The following ABCD3 variants were observed in gnomAD, a reference collection of about 807,000 sequenced individuals.
ABCD3 encodes the protein ATP-binding cassette sub-family D member 3.
Under a neutral mutation model 105.5 loss-of-function variants are expected in ABCD3, and 41 were observed. The ratio of observed to expected loss-of-function variants is 0.39; its 90% CI spans 0.30 to 0.50. ABCD3 has a LOEUF of 0.50. Ranked by LOEUF, ABCD3 falls within the 20% of genes least tolerant of loss-of-function variation. The pLI, the probability that ABCD3 is intolerant of heterozygous loss-of-function variation, is 0.84. For missense variants in ABCD3, 622 were observed against 806.3 expected (o/e 0.77, Z 2.77); for synonymous variants, 258 against 269.0 (o/e 0.96, Z 0.40).
intron 16 of ABCD3, among the ~76,000 whole-genome samples, chr1:94,491,799 A>G (rs895910512): frequency 3.3e-5 from 5 of 152,162 alleles, no homozygotes; most frequent in Non-Finnish European, 7.4e-5. Flanking sequence ...ATTAAAAAGA[A>G]AAGACAAAAG....
the ABCD3 span, among the ~76,000 whole-genome samples, chr1:94,403,384 C>T: frequency 6.6e-6 from 1 of 152,106 alleles, no homozygotes; most frequent in Non-Finnish European, 1.5e-5. Context: ...TCCATTGTAA[C>T]TAATAAGCAG....
chr1:94,388,965 G>T, the ABCD3 span, among the ~76,000 whole-genome samples: 4 of 152,050 alleles, frequency 2.6e-5, no homozygotes, highest in Non-Finnish European at 5.9e-5. Flanking sequence ...AGTGAAGAGA[G>T]AGAAAAGCAT....
the ABCD3 span, among the ~76,000 whole-genome samples, chr1:94,400,721 A>G: frequency 1.3e-5 from 2 of 152,232 alleles, no homozygotes; most frequent in Non-Finnish European, 2.9e-5. Flanking sequence ...TAGTATGATA[A>G]TAGCCGAGAA....
At chr1:94,482,421 CT>C (rs935637492) in intron 9 of ABCD3, 1 of 152,182 alleles carries the variant, frequency 6.6e-6, no homozygotes, top group Non-Finnish European at 1.5e-5. Flanking sequence ...ATAAGAGGTA[CT>C]TTGCTGGGAA....
At chr1:94,418,958 T>G (rs895788075) in intron 1 of ABCD3, 3 of 300,432 alleles carry the variant, frequency 1.0e-5, no homozygotes, top group Non-Finnish European at 1.9e-5. Flanking sequence ...CTGGGTGTGT[T>G]CTGGTTTTGC....
At position 94,458,658 on chromosome 1, in the gene ABCD3, C is replaced by A; in HGVS notation, c.147+15C>A. On this transcript the variant is annotated intron_variant, in intron 2 of 22. Coordinates refer to ENST00000370214, the MANE Select transcript of ABCD3 (RefSeq NM_002858.4). ...AGAACAATGAGGTAAAAGTTTAAAT[C>A]ATCTTCTTTTTGGGATTTCATGCAT... 1 of 1,607,314 alleles carries A rather than the reference C, an allele frequency of 6.2e-7. No individual in the cohort carries two copies. The highest frequency in any genetic ancestry group is 1.1e-5 in the South Asian group (1 of 90,326).
chr1:94,413,792 A>G (rs894250322), upstream of ABCD3, among the ~76,000 whole-genome samples: 1 of 152,176 alleles, frequency 6.6e-6, no homozygotes, highest in Non-Finnish European at 1.5e-5. Flanking sequence ...TCTCTAAAAA[A>G]AATTTAAGAT....
chr1:94,479,739 CA>C (rs996220006), intron 8 of ABCD3, among the ~76,000 whole-genome samples: 7 of 151,966 alleles, frequency 4.6e-5, no homozygotes, highest in African/African-American at 1.7e-4. Context: ...GTTCAGGAAA[CA>C]TTTATATATT....
At chr1:94,402,711 T>C in the ABCD3 span, among the ~76,000 whole-genome samples, 2 of 152,220 alleles carry the variant, frequency 1.3e-5, no homozygotes, top group Non-Finnish European at 2.9e-5. Flanking sequence ...TTGTCACTTC[T>C]TTAGCCTCCT....
chr1:94,434,192 G>A (rs542904112), intron 1 of ABCD3, among the ~76,000 whole-genome samples: 1 of 152,118 alleles, frequency 6.6e-6, no homozygotes, highest in East Asian at 1.9e-4. Flanking sequence ...AAATTTTTTA[G>A]TTTAAAAAAA....
intron 1 of ABCD3, among the ~76,000 whole-genome samples, chr1:94,450,742 C>T (rs1014870399): frequency 1.3e-5 from 2 of 152,146 alleles, no homozygotes; most frequent in Non-Finnish European, 2.9e-5. Flanking sequence ...TCTTTAATTC[C>T]TCTAGTGCCG....
chr1:94,396,450 A>C, the ABCD3 span, among the ~76,000 whole-genome samples: 1 of 152,122 alleles, frequency 6.6e-6, no homozygotes, highest in African/African-American at 2.4e-5. Flanking sequence ...TCCAGCAAAC[A>C]CTTCATCCAA....
chr1:94,507,272 A>G (rs1185200564), intron 21 of ABCD3, among the ~76,000 whole-genome samples: 4 of 152,128 alleles, frequency 2.6e-5, no homozygotes, highest in Non-Finnish European at 5.9e-5. Context: ...AAGTTTACTG[A>G]GAATGATGAT....
At chr1:94,458,723 T>A (rs1647714481) in intron 2 of ABCD3, 80 bp downstream of exon 2, 1 of 1,390,884 alleles carries the variant, frequency 7.2e-7, no homozygotes, top group Non-Finnish European at 1.0e-6. Flanking sequence ...GATTTAGGAT[T>A]AAATTTTATA....
rs558548903 is a variant in ABCD3 at position 94,424,014 on chromosome 1, A to G, written c.110+5426A>G. ...AGAGCGGCTTGAGACCCTTACAGTT[A>G]CCCATGAGTAGATGTTATATGGCCC... On this transcript the variant is annotated intron_variant, in intron 1 of 22. Coordinates refer to ENST00000370214, the MANE Select transcript of ABCD3 (RefSeq NM_002858.4). Among the ~76,000 whole-genome samples the G allele has an allele frequency of 3.9e-5, 6 of 152,286 alleles. No homozygotes were observed. In the East Asian group the frequency reaches 9.7e-4, roughly 24 times the overall value.
At chr1:94,422,190 A>G (rs891545634) in intron 1 of ABCD3, among the ~76,000 whole-genome samples, 3 of 152,106 alleles carry the variant, frequency 2.0e-5, no homozygotes, top group East Asian at 3.9e-4. Flanking sequence ...GGGGTCCCCA[A>G]CCCCCGGGCT....
Position 94,489,775 on chromosome 1 carries a change from A to G in ABCD3, c.1208A>G (p.His403Arg), listed in dbSNP as rs1246204926. 3 of 1,613,220 alleles carry G rather than the reference A, an allele frequency of 1.9e-6. No individual in the cohort carries two copies. The highest frequency in any genetic ancestry group is 2.7e-5 in the African/African-American group (2 of 74,898). ...ELMQVLKDLN[H>R]GKYERTMVSQ... is the part of the protein sequence containing the mutation. The stretch of plus-strand genomic sequence containing the variant: ...ATGCAAGTACTGAAGGATTTAAATC[A>G]TGGCAAATATGAGCGCACAATGGTC... Residue 403 changes from histidine to arginine, a missense_variant, in exon 14 of 23, where the codon CAT (histidine) becomes CGT (arginine). Transcript: ENST00000370214.
chr1:94,409,328 A>G, the ABCD3 span, among the ~76,000 whole-genome samples: 10 of 152,340 alleles, frequency 6.6e-5, no homozygotes, highest in Non-Finnish European at 1.3e-4. Context: ...TATCTCATGT[A>G]ACCCATAAAC....
At chr1:94,456,614 T>C (rs114046609) in intron 1 of ABCD3, among the ~76,000 whole-genome samples, 4,428 of 151,808 alleles carry the variant, frequency 0.029, 171 homozygotes, top group African/African-American at 0.083. Context: ...TTCCATTGTA[T>C]TTATATACCA....
Sources: gnomAD v4.1 joint callset for allele counts (sites outside exome capture counted in the v4.1 genomes callset) on GRCh38, gnomAD v4.1.1 for gene constraint, MANE v1.5 for transcripts, NCBI Gene and HGNC (gene_info 2026-07-23, HGNC 2026-07-21) for gene names.